The following TBC1D5 variants were observed in gnomAD, a reference collection of about 807,000 sequenced individuals.
The protein encoded by TBC1D5 is TBC1 domain family, member 5.
TBC1D5 carries 75 observed loss-of-function variants against 100.3 expected under a neutral mutation model. The observed-to-expected ratio is 0.75, with a 90% CI of 0.62 to 0.91. The LOEUF is 0.91. Ranked by LOEUF, TBC1D5 falls within the 40% of genes least tolerant of loss-of-function variation. TBC1D5 has a pLI of 0.00. For synonymous variants in TBC1D5, 323 were observed against 325.6 expected, an observed-to-expected ratio of 0.99 and a Z score of 0.09; for missense variants, 910 against 942.4, an observed-to-expected ratio of 0.97 and a Z score of 0.45.
At chr3:17,628,917 T>C (rs2063282548) in intron 1 of TBC1D5, among the ~76,000 whole-genome samples, 1 of 152,234 alleles carries the variant, frequency 6.6e-6, no homozygotes, top group Non-Finnish European at 1.5e-5. Flanking sequence ...AAATATGTGC[T>C]GTGTCTGCCG....
At chr3:17,510,170 T>A (rs1292414695) in intron 2 of TBC1D5, among the ~76,000 whole-genome samples, 2 of 152,054 alleles carry the variant, frequency 1.3e-5, no homozygotes, top group African/African-American at 2.4e-5. Context: ...GGATATGGTC[T>A]TCACCTATGG....
chr3:17,260,562 A>AG (rs2078185684), intron 15 of TBC1D5, among the ~76,000 whole-genome samples: 1 of 152,238 alleles, frequency 6.6e-6, no homozygotes, highest in Non-Finnish European at 1.5e-5. Flanking sequence ...AACAAAAAAA[A>AG]GAATCAAAAG....
chr3:17,529,174 T>C (rs1370818162), intron 2 of TBC1D5, among the ~76,000 whole-genome samples: 4 of 151,182 alleles, frequency 2.6e-5, no homozygotes, highest in Non-Finnish European at 1.5e-5. Flanking sequence ...TAAGAGAATC[T>C]ACAAGCCCCT....
chr3:17,394,710 G>C (rs2093449595), intron 8 of TBC1D5, among the ~76,000 whole-genome samples: 1 of 152,082 alleles, frequency 6.6e-6, no homozygotes, highest in Admixed American at 6.6e-5. Flanking sequence ...TGGCTGACAA[G>C]TGATCTCTCA....
intron 4 of TBC1D5, among the ~76,000 whole-genome samples, chr3:17,413,431 T>C (rs2093987743): frequency 6.6e-6 from 1 of 152,204 alleles, no homozygotes; most frequent in Non-Finnish European, 1.5e-5. Flanking sequence ...TTAAGCTTCC[T>C]GCAATGGCTA....
chr3:17,210,968 T>G (rs1158384520), intron 18 of TBC1D5, among the ~76,000 whole-genome samples: 1 of 152,146 alleles, frequency 6.6e-6, no homozygotes, highest in Non-Finnish European at 1.5e-5. Context: ...TTCGAAAAGG[T>G]ATCACATTAG....
intron 2 of TBC1D5, among the ~76,000 whole-genome samples, chr3:17,590,360 T>C (rs997859710): frequency 1.3e-5 from 2 of 152,162 alleles, no homozygotes; most frequent in Admixed American, 6.5e-5. Flanking sequence ...CAGGTTCTAG[T>C]GGTTTATTTG....
Position 17,695,600 on chromosome 3 carries a change from A to T in TBC1D5, c.-101+43743T>A, listed in dbSNP as rs187564496. Reference sequence around the variant, plus strand: ...CAGGAGCACCCAGATTCATAAAGCAAGTCCTTAGAGACCTACAAAGAGACT... The same window carrying T: ...CAGGAGCACCCAGATTCATAAAGCATGTCCTTAGAGACCTACAAAGAGACT... On this transcript the variant is annotated intron_variant, in intron 1 of 21. Coordinates refer to ENST00000253692, the Ensembl canonical transcript of TBC1D5. Among the ~76,000 whole-genome samples the T allele has an allele frequency of 1.7e-3, 257 of 152,356 alleles. 2 individuals are homozygous for T. Among genetic ancestry groups the T allele is most frequent in the Non-Finnish European group, 2.7e-3 (185 of 68,036 alleles).
intron 2 of TBC1D5, among the ~76,000 whole-genome samples, chr3:17,591,251 AAAAAAAAAAAAAAAAC>A (rs1318080582): frequency 7.7e-4 from 108 of 140,026 alleles, no homozygotes; most frequent in South Asian, 2.4e-3. Context: ...AAAAAAAAAA[AAAAAAAAAAAAAAAAC>A]AAAAACCCCA....
chr3:17,343,016 G>A (rs2089245915), intron 13 of TBC1D5, among the ~76,000 whole-genome samples: 1 of 152,204 alleles, frequency 6.6e-6, no homozygotes, highest in Non-Finnish European at 1.5e-5. Context: ...GAATAGGAGT[G>A]GTGAGAGAGG....
At chr3:17,231,192 G>A (rs2075388767) in intron 17 of TBC1D5, among the ~76,000 whole-genome samples, 1 of 152,014 alleles carries the variant, frequency 6.6e-6, no homozygotes, top group Admixed American at 6.6e-5. Context: ...TTTTTGATTT[G>A]TGAATAAATT....
intron 1 of TBC1D5, among the ~76,000 whole-genome samples, chr3:17,657,041 C>A (rs1260440563): frequency 6.6e-6 from 1 of 151,958 alleles, no homozygotes; most frequent in African/African-American, 2.4e-5. Flanking sequence ...TAGAAACTTG[C>A]CCAAGGACAC....
exon 22 of TBC1D5, chr3:17,158,349 C>T (rs1321324122): frequency 6.6e-6 from 1 of 151,968 alleles, no homozygotes; most frequent in African/African-American, 2.4e-5. Context: ...TAACAAAACA[C>T]AATATATTCA....
intron 1 of TBC1D5, among the ~76,000 whole-genome samples, chr3:17,717,436 C>T (rs1342721456): frequency 6.6e-6 from 1 of 152,134 alleles, no homozygotes; most frequent in African/African-American, 2.4e-5. Flanking sequence ...ATCACAAGGA[C>T]CTACCTCAAA....
At chr3:17,574,464 A>G (rs2096645613) in intron 2 of TBC1D5, among the ~76,000 whole-genome samples, 1 of 152,064 alleles carries the variant, frequency 6.6e-6, no homozygotes, top group Non-Finnish European at 1.5e-5. Context: ...CACTGCTATC[A>G]ACCATGATGC....
At chr3:17,313,343 G>A (rs999042861) in intron 13 of TBC1D5, among the ~76,000 whole-genome samples, 7 of 152,168 alleles carry the variant, frequency 4.6e-5, no homozygotes, top group Non-Finnish European at 7.3e-5. Context: ...TGTTGGACAC[G>A]TTGGGAAAAC....
At chr3:17,537,245 A>C (rs1324576991) in intron 2 of TBC1D5, among the ~76,000 whole-genome samples, 5 of 152,222 alleles carry the variant, frequency 3.3e-5, no homozygotes, top group Admixed American at 6.5e-5. Flanking sequence ...GGTTAATAAA[A>C]ACCTAATGAG....
intron 1 of TBC1D5, among the ~76,000 whole-genome samples, chr3:17,737,210 G>A (rs149152048): frequency 6.6e-6 from 1 of 152,074 alleles, no homozygotes. Flanking sequence ...TGTCAGAAGT[G>A]GGGGCTTACT....
chr3:17,234,451 C>A (rs2075699803), intron 17 of TBC1D5, among the ~76,000 whole-genome samples: 1 of 149,824 alleles, frequency 6.7e-6, no homozygotes, highest in South Asian at 2.1e-4. Context: ...AAACCAAGTG[C>A]ATTTTAAGAA....
Sources: gnomAD v4.1 joint callset for allele counts (sites outside exome capture counted in the v4.1 genomes callset) on GRCh38, gnomAD v4.1.1 for gene constraint, MANE v1.5 for transcripts, NCBI Gene and HGNC (gene_info 2026-07-23, HGNC 2026-07-21) for gene names.